Variants in COL19A1 observed in about 807,000 individuals in gnomAD.
The protein encoded by COL19A1 is collagen alpha-1(XIX) chain.
A neutral mutation model predicts 190.2 loss-of-function variants in COL19A1; 159 were observed. The observed-to-expected ratio is 0.84, with a 90% CI of 0.73 to 0.95. The LOEUF is 0.95. Ranked by LOEUF, COL19A1 falls within the 40% of genes least tolerant of loss-of-function variation. The probability of loss-of-function intolerance (pLI) is 0.00; values close to 1 mark genes in which losing one functional copy is unlikely to be tolerated. For missense variants in COL19A1, 1,418 were observed against 1,431.9 expected (o/e 0.99, Z 0.16); for synonymous variants, 509 against 458.9 (o/e 1.11, Z -1.39).
chr6:69,984,625 GC>G (rs1311928486), intron 11 of COL19A1, among the ~76,000 whole-genome samples: 3 of 151,936 alleles, frequency 2.0e-5, no homozygotes, highest in African/African-American at 7.3e-5. Context: ...TCAATCTTTT[GC>G]CTGAAGTTTC....
At chr6:69,942,711 T>G (rs1773547962) in intron 9 of COL19A1, among the ~76,000 whole-genome samples, 1 of 151,712 alleles carries the variant, frequency 6.6e-6, no homozygotes, top group Admixed American at 6.6e-5. Context: ...TTACTCTTTT[T>G]TATGGCTTAA....
At chr6:70,123,421 CTAGAAA>C (rs1784999358) in intron 17 of COL19A1, among the ~76,000 whole-genome samples, 1 of 151,622 alleles carries the variant, frequency 6.6e-6, no homozygotes, top group South Asian at 2.1e-4. Flanking sequence ...GGATCTAGAA[CTAGAAA>C]TACCATTTGA....
chr6:69,932,737 G>T, intron 6 of COL19A1, 46 bp from the exon 7 acceptor site: 1 of 1,173,100 alleles, frequency 8.5e-7, no homozygotes, highest in South Asian at 1.3e-5. Flanking sequence ...GCCTGAATGT[G>T]ATTCCAAAAA....
chr6:70,059,046 A>G (rs918592418), intron 14 of COL19A1, among the ~76,000 whole-genome samples: 5 of 152,120 alleles, frequency 3.3e-5, no homozygotes, highest in African/African-American at 7.2e-5. Flanking sequence ...GTAAAAACAG[A>G]TAAATTCTGT....
intron 31 of COL19A1, among the ~76,000 whole-genome samples, chr6:70,154,874 C>G (rs1453739450): frequency 6.6e-6 from 1 of 152,112 alleles, no homozygotes; most frequent in Non-Finnish European, 1.5e-5. Context: ...GCAAGTCAAC[C>G]CCTTCCACCT....
chr6:69,937,038 C>T (rs1773158311), intron 8 of COL19A1, 128 bp downstream of exon 8: 3 of 1,310,992 alleles, frequency 2.3e-6, no homozygotes, highest in Non-Finnish European at 3.1e-6. Flanking sequence ...ACCTCAGTTA[C>T]TGGGGTGGGT....
intron 6 of COL19A1, among the ~76,000 whole-genome samples, chr6:69,930,377 G>A (rs1772679446): frequency 6.6e-6 from 1 of 152,042 alleles, no homozygotes; most frequent in South Asian, 2.1e-4. Flanking sequence ...AAATTTGATG[G>A]CTGCACGTTT....
intron 18 of COL19A1, among the ~76,000 whole-genome samples, chr6:70,135,280 T>A (rs971699768): frequency 6.6e-6 from 1 of 152,166 alleles, no homozygotes; most frequent in African/African-American, 2.4e-5. Flanking sequence ...AGCTTCATTA[T>A]GTAGGCGTGA....
Position 70,197,264 on chromosome 6 carries a change from C to CA in COL19A1, c.3095-2335dup, listed in dbSNP as rs1349304009. On this transcript the variant is annotated intron_variant, in intron 48 of 50. Transcript: ENST00000620364. The stretch of plus-strand genomic sequence containing the variant: ...TGAAACCCTGTCTCTACTAAAGATA[C>CA]AAAAAAAAATTAGCCGGGCATGGTG... 6.0e-3 allele frequency among the ~76,000 whole-genome samples: 907 copies of CA among 149,938 alleles called. 8 individuals are homozygous for CA. The highest frequency in any genetic ancestry group is 0.021 in the African/African-American group (868 of 40,888).
At chr6:70,163,213 T>A (rs969325235) in intron 35 of COL19A1, 130 bp from the exon 36 acceptor site, 1 of 785,166 alleles carries the variant, frequency 1.3e-6, no homozygotes, top group African/African-American at 1.7e-5. Context: ...AGAAGAAACA[T>A]AAGCTTCTAG....
At chr6:69,925,383 A>G (rs1317186369) in intron 4 of COL19A1, among the ~76,000 whole-genome samples, 1 of 152,136 alleles carries the variant, frequency 6.6e-6, no homozygotes, top group East Asian at 1.9e-4. Flanking sequence ...TTTCTCAAAG[A>G]TCAGATGTTT....
chr6:69,993,389 G>A (rs945955121), intron 11 of COL19A1, among the ~76,000 whole-genome samples: 5 of 152,184 alleles, frequency 3.3e-5, no homozygotes, highest in African/African-American at 1.2e-4. Context: ...TTGTGTCTAT[G>A]TTCTTCAAGG....
chr6:69,923,323 T>C (rs1375155553), intron 4 of COL19A1, among the ~76,000 whole-genome samples: 12 of 152,134 alleles, frequency 7.9e-5, no homozygotes, highest in Admixed American at 7.9e-4. Context: ...TGAAAACCAG[T>C]AGCTTCAGAA....
At chr6:70,020,037 T>C (rs977916630) in intron 11 of COL19A1, among the ~76,000 whole-genome samples, 4 of 152,122 alleles carry the variant, frequency 2.6e-5, no homozygotes, top group African/African-American at 7.2e-5. Context: ...TAGAATTTTA[T>C]ATGGGAAAGC....
At chr6:70,142,579 T>A (rs540234804) in intron 22 of COL19A1, among the ~76,000 whole-genome samples, 188 bp from the exon 23 acceptor site, 2 of 152,252 alleles carry the variant, frequency 1.3e-5, no homozygotes, top group East Asian at 3.9e-4. Flanking sequence ...ATTAAAAGTA[T>A]CTGGAAACTA....
intron 36 of COL19A1, among the ~76,000 whole-genome samples, chr6:70,165,053 T>G (rs1254551334): frequency 6.6e-6 from 1 of 152,208 alleles, no homozygotes; most frequent in Non-Finnish European, 1.5e-5. Flanking sequence ...GAAATTTTAC[T>G]CTATCTGAAT....
chr6:70,142,790 C>T lies in COL19A1; in HGVS notation c.1596C>T (p.Ser532=). 2 of 1,612,472 alleles carry T rather than the reference C, an allele frequency of 1.2e-6. No homozygotes were observed. ...AGGGTCAGCAAGGATCTGCAGGCTC[C>T]ATGGGACCCAGAGGACCGCCAGGAG... ...GLKGQQGSAG[S]MGPRGPPGDV... Residue 532 remains serine (S), a synonymous_variant, in exon 23 of 51, where the codon TCC becomes TCT. Transcript: ENST00000620364.
chr6:69,907,233 G>A (rs1031186106), intron 4 of COL19A1, among the ~76,000 whole-genome samples: 1 of 150,406 alleles, frequency 6.6e-6, no homozygotes, highest in Non-Finnish European at 1.5e-5. Context: ...GGTTTCAAAC[G>A]ATTCTCCTGC....
At chr6:70,052,096 A>G (rs1231732323) in intron 14 of COL19A1, among the ~76,000 whole-genome samples, 3 of 152,072 alleles carry the variant, frequency 2.0e-5, no homozygotes, top group Non-Finnish European at 2.9e-5. Flanking sequence ...AGACAAGGAC[A>G]TTTTTTAGAA....
Sources: gnomAD v4.1 joint callset for allele counts (sites outside exome capture counted in the v4.1 genomes callset) on GRCh38, gnomAD v4.1.1 for gene constraint, MANE v1.5 for transcripts, NCBI Gene and HGNC (gene_info 2026-07-23, HGNC 2026-07-21) for gene names.